Variants in ZNF875 observed in about 807,000 individuals in gnomAD.
The protein encoded by ZNF875 is zinc finger protein 875.
A neutral mutation model predicts 11.2 loss-of-function variants in ZNF875; 14 were observed. That is an observed-to-expected ratio of 1.26 (90% CI 0.83 to 1.96). The LOEUF (loss-of-function observed/expected upper bound fraction) is 1.96, where lower values mean the gene tolerates loss of function less well. Ranked by LOEUF, ZNF875 falls within the 30% of genes most tolerant of loss-of-function variation. ZNF875 has a pLI of 0.00. For missense variants in ZNF875, 752 were observed against 760.4 expected (o/e 0.99, Z 0.13); for synonymous variants, 301 against 281.1 (o/e 1.07, Z -0.71).
At chr19:37,341,153 A>G (rs577980654) in intron 2 of ZNF875, among the ~76,000 whole-genome samples, 1 of 152,316 alleles carries the variant, frequency 6.6e-6, no homozygotes, top group East Asian at 1.9e-4. Context: ...CCAGCAAGCC[A>G]ACGGTCACAT....
upstream of ZNF875, among the ~76,000 whole-genome samples, chr19:37,333,164 C>T (rs1256039916): frequency 1.3e-5 from 2 of 152,182 alleles, no homozygotes; most frequent in Non-Finnish European, 2.9e-5. Flanking sequence ...CTGGGTCTCT[C>T]TTTACTCCCT....
At position 37,335,244 on chromosome 19, in the gene ZNF875, G is replaced by A. The variant is rs2034104800; in HGVS notation, c.20G>A (p.Arg7Lys). The part of the protein sequence containing the change: MATGLL[R>K]AKKEAFVAFR... ...AGGAAAATGGCCACAGGGCTCCTGA[G>A]AGCCAAAAAAGAGGTGAGAATTAAC... The change falls in exon 2 of 5, where the codon AGA becomes AAA. Residue 7 changes from arginine to lysine, a missense_variant. Coordinates refer to ENST00000392153, the MANE Select transcript of ZNF875 (RefSeq NM_001353803.2). The A allele has an allele frequency of 2.9e-6, 2 of 700,540 alleles. No individual in the cohort carries two copies. The highest frequency in any genetic ancestry group is 1.7e-5 in the African/African-American group (1 of 57,170). The allele number at this position is 700,540 out of a possible 1,614,324, so 43.4% of individuals were successfully genotyped here.
At chr19:37,327,802 G>A (rs1249249631) in intron 4 of ZNF875, among the ~76,000 whole-genome samples, 1 of 150,270 alleles carries the variant, frequency 6.7e-6, no homozygotes, top group Non-Finnish European at 1.5e-5. Context: ...TATCAAAAAT[G>A]AAAATTTATT....
intron 2 of ZNF875, 84 bp from the exon 3 acceptor site, chr19:37,347,106 C>T (rs946766778): frequency 2.6e-5 from 41 of 1,588,672 alleles, no homozygotes; most frequent in South Asian, 1.0e-4. Flanking sequence ...CATGAACCAC[C>T]GGGCCTGGCC....
chr19:37,316,955 C>A (rs2030245286), upstream of ZNF875: 1 of 151,864 alleles, frequency 6.6e-6, no homozygotes, highest in South Asian at 2.1e-4. Context: ...GCGTGAGCCA[C>A]CGCGCCCGGC....
At chr19:37,329,165 C>G (rs142760711) in intron 4 of ZNF875, 1 of 152,198 alleles carries the variant, frequency 6.6e-6, no homozygotes, top group Non-Finnish European at 1.5e-5. Context: ...GCTTGCTCTT[C>G]GCACAGGCCC....
chr19:37,337,295 G>C (rs557127840), intron 2 of ZNF875: 3 of 152,184 alleles, frequency 2.0e-5, no homozygotes, highest in Non-Finnish European at 4.4e-5. Flanking sequence ...CTCTCGGTCA[G>C]GGTGGGGACA....
chr19:37,330,518 T>G (rs1395669907), upstream of ZNF875, among the ~76,000 whole-genome samples: 3 of 152,154 alleles, frequency 2.0e-5, no homozygotes, highest in East Asian at 1.9e-4. Flanking sequence ...TTCATCCCCA[T>G]AAGCCCCCAT....
At chr19:37,320,943 G>A (rs531687664) in intron 1 of ZNF875, among the ~76,000 whole-genome samples, 2 of 152,284 alleles carry the variant, frequency 1.3e-5, no homozygotes, top group Admixed American at 6.5e-5. Flanking sequence ...TCACAGAAAC[G>A]TACTCTGTTG....
chr19:37,333,232 C>G (rs2033675134), upstream of ZNF875, among the ~76,000 whole-genome samples: 1 of 152,122 alleles, frequency 6.6e-6, no homozygotes. Flanking sequence ...CACATCCTCA[C>G]TGTACCCCCA....
At chr19:37,314,966 T>G (rs1255243776), upstream of ZNF875, 1 of 152,184 alleles carries the variant, frequency 6.6e-6, no homozygotes, top group Non-Finnish European at 1.5e-5. Context: ...TTTGCACAGT[T>G]GTGCAAACAG....
rs185722908 is a variant in ZNF875, at chr19:37,343,691, C to T, written c.34-3499C>T. ...GCCCTGAACTCAGATGCCTCTCAAA[C>T]ATCTGCTTGCATCATGTTTGCTGGT... On this transcript the variant is annotated intron_variant, in intron 2 of 4. Coordinates refer to ENST00000392153, the MANE Select transcript of ZNF875 (RefSeq NM_001353803.2). 3.0e-3 allele frequency among the ~76,000 whole-genome samples: 461 copies of T among 152,268 alleles called. 5 individuals carry two copies. Among genetic ancestry groups the T allele is most frequent in the Non-Finnish European group, 2.2e-3 (151 of 68,018 alleles).
At chr19:37,340,663 T>TA (rs982768406) in intron 2 of ZNF875, among the ~76,000 whole-genome samples, 6 of 148,632 alleles carry the variant, frequency 4.0e-5, no homozygotes, top group African/African-American at 9.9e-5. Context: ...TTTTTTTTTT[T>TA]TTTGAGACGG....
At chr19:37,317,691 T>A (rs909928415), upstream of ZNF875, among the ~76,000 whole-genome samples, 4 of 152,252 alleles carry the variant, frequency 2.6e-5, no homozygotes, top group Admixed American at 2.6e-4. Context: ...TTGCTGCGCA[T>A]GTAGGCGGGT....
rs2037145972 is a variant in ZNF875, at chr19:37,347,980, C to T, written c.256+108C>T. The T allele has an allele frequency of 6.0e-6, 4 of 669,680 alleles. No homozygotes were observed. In the Admixed American group the frequency reaches 1.0e-4, roughly 17 times the overall value. 41.5% of individuals were successfully genotyped at this position (669,680 alleles called of 1,614,324 possible). A position where few individuals can be genotyped will look rare whatever the true frequency, so the allele number is the denominator to read the frequency against. On this transcript the variant is annotated intron_variant, in intron 4 of 4. Coordinates refer to ENST00000392153, the MANE Select transcript of ZNF875 (RefSeq NM_001353803.2). ...AAGCTCTTCTTCAGGCCTCCTAAGCCAAGAGAAACGTTGCCTGACATGGTC... is the reference window on the plus strand; with the variant it reads ...AAGCTCTTCTTCAGGCCTCCTAAGCTAAGAGAAACGTTGCCTGACATGGTC...
intron 2 of ZNF875, among the ~76,000 whole-genome samples, chr19:37,345,287 C>T (rs1430150629): frequency 6.6e-6 from 1 of 152,198 alleles, no homozygotes; most frequent in Non-Finnish European, 1.5e-5. Context: ...GTGCTCTTCT[C>T]TTGCGATTAA....
chr19:37,356,223 AG>A, intron 4 of ZNF875, among the ~76,000 whole-genome samples: 1 of 152,334 alleles, frequency 6.6e-6, no homozygotes, highest in Non-Finnish European at 1.5e-5. Context: ...TGTTGGGAAT[AG>A]TGCTGCGATA....
chr19:37,317,927 T>C (rs760480538), exon 1 of ZNF875: 5 of 154,578 alleles, frequency 3.2e-5, no homozygotes, highest in Non-Finnish European at 5.8e-5. Context: ...GCAGATGGCG[T>C]CCGAGTGCAC....
intron 2 of ZNF875, among the ~76,000 whole-genome samples, chr19:37,339,746 G>A (rs2035298926): frequency 6.6e-6 from 1 of 151,512 alleles, no homozygotes; most frequent in African/African-American, 2.4e-5. Context: ...TGTATTTTTA[G>A]TAGAGACAGG....
Sources: allele counts gnomAD v4.1 joint callset (sites outside exome capture counted in the v4.1 genomes callset), GRCh38; gene constraint gnomAD v4.1.1; transcripts MANE v1.5; gene names NCBI Gene and HGNC (gene_info 2026-07-23, HGNC 2026-07-21).